Variants in CNTN4 observed in about 807,000 individuals in gnomAD.
CNTN4 encodes contactin 4, also known as contactin-4.
In CNTN4, 77 loss-of-function variants were observed where a neutral mutation model predicts 122.5. The observed-to-expected ratio is 0.63, with a 90% confidence interval of 0.52 to 0.76. The LOEUF (loss-of-function observed/expected upper bound fraction) is 0.76. Ranked by LOEUF, CNTN4 falls within the 30% of genes least tolerant of loss-of-function variation. The pLI, the probability that CNTN4 is intolerant of heterozygous loss-of-function variation, is 0.00. For synonymous variants in CNTN4, 512 were observed against 447.0 expected (o/e 1.15, Z -1.83); for missense variants, 1,256 against 1,259.1 (o/e 1.00, Z 0.04).
chr3:2,165,863 T>C (rs1196779852), intron 2 of CNTN4, among the ~76,000 whole-genome samples: 2 of 152,006 alleles, frequency 1.3e-5, no homozygotes, highest in Non-Finnish European at 2.9e-5. Flanking sequence ...ACTGGCAGAA[T>C]TTTTTTTAAG....
intron 13 of CNTN4, among the ~76,000 whole-genome samples, chr3:2,958,983 G>A (rs1435384226): frequency 2.0e-5 from 3 of 152,148 alleles, no homozygotes; most frequent in Non-Finnish European, 4.4e-5. Context: ...GGGAACAGAA[G>A]GGTCAGTAGT....
chr3:2,671,363 T>G (rs1479597645), intron 4 of CNTN4, among the ~76,000 whole-genome samples: 2 of 152,206 alleles, frequency 1.3e-5, no homozygotes, highest in Non-Finnish European at 2.9e-5. Flanking sequence ...CTGATACCCT[T>G]TCTTCCAGTT....
At chr3:2,654,106 G>T (rs931561199) in intron 4 of CNTN4, among the ~76,000 whole-genome samples, 4 of 152,198 alleles carry the variant, frequency 2.6e-5, no homozygotes, top group African/African-American at 7.2e-5. Context: ...CTTTTTGAAA[G>T]CAATTGCTGT....
intron 3 of CNTN4, among the ~76,000 whole-genome samples, chr3:2,381,213 A>T (rs995269429): frequency 6.6e-6 from 1 of 151,948 alleles, no homozygotes; most frequent in African/African-American, 2.4e-5. Flanking sequence ...TCACCATGTT[A>T]GCCAGGATGG....
At chr3:2,630,974 A>G (rs1460989085) in intron 4 of CNTN4, among the ~76,000 whole-genome samples, 2 of 152,198 alleles carry the variant, frequency 1.3e-5, no homozygotes, top group Non-Finnish European at 2.9e-5. Flanking sequence ...TGACCAAGTT[A>G]TAAAAGTTCT....
intron 3 of CNTN4, among the ~76,000 whole-genome samples, chr3:2,388,145 C>G (rs906390305): frequency 1.3e-5 from 2 of 152,130 alleles, no homozygotes; most frequent in African/African-American, 4.8e-5. Context: ...GAAGGTCCTT[C>G]AAGTGGGGAA....
intron 13 of CNTN4, among the ~76,000 whole-genome samples, chr3:2,963,019 C>T (rs1358622893): frequency 6.6e-6 from 1 of 152,106 alleles, no homozygotes; most frequent in Non-Finnish European, 1.5e-5. Flanking sequence ...GTTATCCCCT[C>T]CCGCATTCTG....
chr3:2,308,574 G>A (rs2042802012), intron 2 of CNTN4, among the ~76,000 whole-genome samples: 1 of 151,750 alleles, frequency 6.6e-6, no homozygotes, highest in African/African-American at 2.4e-5. Flanking sequence ...TTAAGTTTTG[G>A]CATATTCTGT....
intron 7 of CNTN4, among the ~76,000 whole-genome samples, chr3:2,836,555 A>G (rs2093229335): frequency 6.6e-6 from 1 of 152,134 alleles, no homozygotes; most frequent in South Asian, 2.1e-4. Flanking sequence ...TGAGAAAAAT[A>G]CCTGAGACAT....
At chr3:3,041,728 G>A (rs1395976265) in intron 20 of CNTN4, among the ~76,000 whole-genome samples, 1 of 152,196 alleles carries the variant, frequency 6.6e-6, no homozygotes, top group Non-Finnish European at 1.5e-5. Context: ...TTGGGAGGGG[G>A]ATGTGGGAGG....
At chr3:2,984,036 A>G (rs144154118) in intron 13 of CNTN4, among the ~76,000 whole-genome samples, 1 of 152,196 alleles carries the variant, frequency 6.6e-6, no homozygotes, top group Non-Finnish European at 1.5e-5. Context: ...CCCTAAACCA[A>G]TATCAGGCAC....
chr3:2,518,126 T>A lies in CNTN4; in HGVS notation c.-88-53290T>A, dbSNP rs2077090736. ...GTACCTTTTGTGGCATGTGAGTACATTTAAGAGATGTGAAAGGCTTTAAAA... is the reference window on the plus strand; with the variant it reads ...GTACCTTTTGTGGCATGTGAGTACAATTAAGAGATGTGAAAGGCTTTAAAA... On this transcript the variant is annotated intron_variant, in intron 3 of 24. Transcript: ENST00000418658. Among the ~76,000 whole-genome samples the A allele has an allele frequency of 1.4e-5, 2 of 143,798 alleles. 1 individual carries two copies. Among genetic ancestry groups the A allele is most frequent in the South Asian group, 4.3e-4 (2 of 4,688 alleles). The allele number at this position is 143,798 out of a possible 152,430, so 94.3% of individuals were successfully genotyped here.
intron 12 of CNTN4, among the ~76,000 whole-genome samples, chr3:2,917,212 A>G (rs1462999539): frequency 6.6e-6 from 1 of 151,286 alleles, no homozygotes; most frequent in East Asian, 2.0e-4. Flanking sequence ...GAGGCAGGAG[A>G]ATCAGGCAGG....
intron 20 of CNTN4, 40 bp from the exon 21 acceptor site, chr3:3,042,270 T>C (rs772280932): frequency 2.2e-6 from 3 of 1,335,722 alleles, no homozygotes; most frequent in Non-Finnish European, 3.2e-6. Flanking sequence ...TGTCCTAATA[T>C]AGCTGATAGA....
intron 2 of CNTN4, among the ~76,000 whole-genome samples, chr3:2,137,505 T>C (rs905806422): frequency 6.6e-6 from 1 of 152,026 alleles, no homozygotes; most frequent in African/African-American, 2.4e-5. Context: ...GGTGGGGGGA[T>C]TAGAAAGATG....
At chr3:2,956,623 G>T in intron 13 of CNTN4, among the ~76,000 whole-genome samples, 1 of 151,628 alleles carries the variant, frequency 6.6e-6, no homozygotes, top group Non-Finnish European at 1.5e-5. Flanking sequence ...TTATTTAATT[G>T]ATAAAAATTA....
chr3:2,267,347 A>G (rs2041094093), intron 2 of CNTN4, among the ~76,000 whole-genome samples: 1 of 152,184 alleles, frequency 6.6e-6, no homozygotes, highest in South Asian at 2.1e-4. Context: ...TTTCCTAACA[A>G]AGAAATTCAT....
intron 2 of CNTN4, among the ~76,000 whole-genome samples, chr3:2,196,478 A>T (rs1398562374): frequency 1.3e-5 from 2 of 152,106 alleles, no homozygotes; most frequent in African/African-American, 4.8e-5. Flanking sequence ...TCATTTCTTC[A>T]TCACTTAATT....
chr3:2,834,773 A>G lies in CNTN4; in HGVS notation c.454+15192A>G, dbSNP rs528261805. Among the ~76,000 whole-genome samples, 4 of 152,234 alleles carry G rather than the reference A, an allele frequency of 2.6e-5. 1 individual carries two copies. The highest frequency in any genetic ancestry group is 9.6e-5 in the African/African-American group (4 of 41,544). On this transcript the variant is annotated intron_variant, in intron 7 of 24. Transcript: ENST00000418658. Reference sequence around the variant, plus strand: ...AAAAATATGATCTAAACAAAATGCAATGATACAAAATACCTAGACTACCAA... The same window carrying G: ...AAAAATATGATCTAAACAAAATGCAGTGATACAAAATACCTAGACTACCAA...
Sources: allele counts gnomAD v4.1 joint callset (sites outside exome capture counted in the v4.1 genomes callset), GRCh38; gene constraint gnomAD v4.1.1; transcripts MANE v1.5; gene names NCBI Gene and HGNC (gene_info 2026-07-23, HGNC 2026-07-21).